Variants in CNTN4 observed in about 807,000 individuals in gnomAD.
CNTN4 encodes contactin 4.
Under a neutral mutation model 122.5 loss-of-function variants are expected in CNTN4, and 77 were observed. That is an observed-to-expected ratio of 0.63 (90% CI 0.52 to 0.76). The LOEUF is 0.76. Among genes scored for constraint, CNTN4 ranks in the 30% least tolerant of loss-of-function variants. CNTN4 has a pLI of 0.00. For synonymous variants in CNTN4, 512 were observed against 447.0 expected, an observed-to-expected ratio of 1.15 and a Z score of -1.83; for missense variants, 1,256 against 1,259.1, an observed-to-expected ratio of 1.00 and a Z score of 0.04.
chr3:2,900,611 T>A lies in CNTN4; in HGVS notation c.941-74T>A. 5.3e-6 allele frequency: 8 copies of A among 1,514,694 alleles called. No homozygotes were observed. In the South Asian group the frequency reaches 9.1e-5, roughly 17 times the overall value. The allele number at this position is 1,514,694 out of a possible 1,614,324, so 93.8% of individuals were successfully genotyped here. A position where few individuals can be genotyped will look rare whatever the true frequency, so the allele number is the denominator to read the frequency against. ...TTTATTATAAGTGTACTTTTGCCCT[T>A]TGATTGAATATGATAAAAATAGATT... On this transcript the variant is annotated intron_variant, in intron 10 of 24. Coordinates refer to ENST00000418658, the MANE Select transcript of CNTN4 (RefSeq NM_175607.3).
At chr3:3,007,120 C>A (rs1215573072) in intron 14 of CNTN4, among the ~76,000 whole-genome samples, 2 of 152,174 alleles carry the variant, frequency 1.3e-5, no homozygotes, top group African/African-American at 4.8e-5. Context: ...TACTGTATAT[C>A]TACTTCTTAT....
intron 4 of CNTN4, among the ~76,000 whole-genome samples, chr3:2,626,215 A>T (rs9855382): frequency 0.014 from 2,134 of 152,156 alleles, 46 homozygotes; most frequent in African/African-American, 0.049. Flanking sequence ...TTTCTTTATG[A>T]TTGTACTTTG....
chr3:2,226,805 G>T (rs915882142), intron 2 of CNTN4, among the ~76,000 whole-genome samples: 16 of 151,996 alleles, frequency 1.1e-4, no homozygotes, highest in Non-Finnish European at 2.2e-4. Flanking sequence ...TATTGAATAA[G>T]AATTTTAGCC....
At chr3:2,820,892 C>T (rs1408754674) in intron 7 of CNTN4, among the ~76,000 whole-genome samples, 1 of 149,354 alleles carries the variant, frequency 6.7e-6, no homozygotes, top group Non-Finnish European at 1.5e-5. Flanking sequence ...CACTTGACTG[C>T]AACTAACTGA....
chr3:2,973,981 T>C (rs1014452909), intron 13 of CNTN4, among the ~76,000 whole-genome samples: 1 of 152,194 alleles, frequency 6.6e-6, no homozygotes, highest in Non-Finnish European at 1.5e-5. Context: ...TCATCTTGGA[T>C]GGTACACAGT....
intron 3 of CNTN4, among the ~76,000 whole-genome samples, chr3:2,566,658 C>G (rs1185645615): frequency 3.3e-5 from 5 of 152,172 alleles, no homozygotes. Context: ...ATAGTTAATG[C>G]TCACATACAA....
intron 4 of CNTN4, among the ~76,000 whole-genome samples, chr3:2,588,435 C>T (rs531821848): frequency 6.6e-6 from 1 of 151,362 alleles, no homozygotes; most frequent in Admixed American, 6.6e-5. Flanking sequence ...GGTGTGATCT[C>T]GGCTCACTGC....
At chr3:2,983,122 G>T (rs1158479588) in intron 13 of CNTN4, among the ~76,000 whole-genome samples, 2 of 146,394 alleles carry the variant, frequency 1.4e-5, no homozygotes, top group Non-Finnish European at 3.0e-5. Context: ...GCTGAGACAG[G>T]AGAATGGTAT....
intron 14 of CNTN4, among the ~76,000 whole-genome samples, chr3:2,997,321 A>C (rs907018602): frequency 6.6e-6 from 1 of 152,198 alleles, no homozygotes; most frequent in African/African-American, 2.4e-5. Flanking sequence ...TGGTATGTCT[A>C]TGTGTATGTT....
chr3:2,548,833 G>C (rs2078358374), intron 3 of CNTN4, among the ~76,000 whole-genome samples: 1 of 152,096 alleles, frequency 6.6e-6, no homozygotes, highest in South Asian at 2.1e-4. Flanking sequence ...CCTTTTGTTT[G>C]CGTCGTCTCT....
intron 12 of CNTN4, among the ~76,000 whole-genome samples, chr3:2,906,367 A>G (rs1378472073): frequency 1.3e-5 from 2 of 152,204 alleles, no homozygotes; most frequent in Non-Finnish European, 1.5e-5. Flanking sequence ...TAATTATATA[A>G]GGTAATTTAT....
At chr3:2,798,770 C>G (rs183351349) in intron 6 of CNTN4, among the ~76,000 whole-genome samples, 37 of 152,300 alleles carry the variant, frequency 2.4e-4, no homozygotes, top group Middle Eastern at 3.4e-3. Flanking sequence ...CTCAACCTCA[C>G]AAACTGCTGG....
intron 14 of CNTN4, among the ~76,000 whole-genome samples, chr3:2,991,809 C>T (rs1040475598): frequency 3.3e-5 from 5 of 151,978 alleles, no homozygotes; most frequent in South Asian, 2.1e-4. Context: ...CAGCTTAGCC[C>T]GAAATATGAC....
chr3:2,478,646 A>G (rs2075899519), intron 3 of CNTN4, among the ~76,000 whole-genome samples: 1 of 152,030 alleles, frequency 6.6e-6, no homozygotes, highest in Non-Finnish European at 1.5e-5. Flanking sequence ...CTTTGTTCTC[A>G]TCATTTAGCT....
chr3:2,940,292 G>T (rs950902088), intron 13 of CNTN4, among the ~76,000 whole-genome samples: 1 of 152,194 alleles, frequency 6.6e-6, no homozygotes, highest in African/African-American at 2.4e-5. Flanking sequence ...AATGGACAGT[G>T]GTCAACAATG....
chr3:2,943,163 A>C (rs1297071028), intron 13 of CNTN4, among the ~76,000 whole-genome samples: 1 of 152,112 alleles, frequency 6.6e-6, no homozygotes, highest in Non-Finnish European at 1.5e-5. Flanking sequence ...CCTTGGGAGA[A>C]TCAGCAAGCA....
chr3:2,442,326 A>T (rs975397104), intron 3 of CNTN4, among the ~76,000 whole-genome samples: 1 of 152,160 alleles, frequency 6.6e-6, no homozygotes, highest in African/African-American at 2.4e-5. Context: ...CAAAAAATAC[A>T]CATTATTATG....
intron 3 of CNTN4, among the ~76,000 whole-genome samples, chr3:2,461,565 T>G (rs2049211921): frequency 6.6e-6 from 1 of 152,206 alleles, no homozygotes; most frequent in African/African-American, 2.4e-5. Flanking sequence ...TTAACCGCTG[T>G]ACCGACTTGT....
In CNTN4 at chr3:2,106,060, A is replaced by G. The variant is rs75504833; in HGVS notation, c.-145+5421A>G. ...CTCCGAAATCATCTTCTTTAACTCT[A>G]TGTCTCAAGTTCAGGTCATGCTGAT... is the stretch of plus-strand genomic sequence containing the variant. On this transcript the variant is annotated intron_variant, in intron 2 of 24. Transcript: ENST00000418658. Among the ~76,000 whole-genome samples the G allele has an allele frequency of 2.0e-3, 312 of 152,242 alleles. 2 individuals carry two copies. Among genetic ancestry groups the G allele is most frequent in the African/African-American group, 7.2e-3 (299 of 41,550 alleles).
Sources: gnomAD v4.1 joint callset for allele counts (sites outside exome capture counted in the v4.1 genomes callset) on GRCh38, gnomAD v4.1.1 for gene constraint, MANE v1.5 for transcripts, NCBI Gene and HGNC (gene_info 2026-07-23, HGNC 2026-07-21) for gene names.